Variants in DCDC1 observed in about 807,000 individuals in gnomAD.
DCDC1 encodes the protein doublecortin domain containing 1.
Under a neutral mutation model 178.3 loss-of-function variants are expected in DCDC1, and 200 were observed. That is an observed-to-expected ratio of 1.12 (90% CI 1.00 to 1.26). The LOEUF (loss-of-function observed/expected upper bound fraction) is 1.26, where lower values mean the gene tolerates loss of function less well. Among genes scored for constraint, DCDC1 ranks in the 50% most tolerant of loss-of-function variants. DCDC1 has a pLI of 0.00. For synonymous variants in DCDC1, 690 were observed against 604.8 expected (o/e 1.14, Z -2.07); for missense variants, 1,983 against 1,749.2 (o/e 1.13, Z -2.38).
intron 1 of DCDC1, among the ~76,000 whole-genome samples, chr11:31,350,955 T>A (rs188681867): frequency 6.6e-6 from 1 of 152,172 alleles, no homozygotes; most frequent in East Asian, 1.9e-4. Context: ...GTAGCTAACA[T>A]TAAATATTTG....
intron 9 of DCDC1, among the ~76,000 whole-genome samples, chr11:31,195,654 T>C (rs1970608809): frequency 6.6e-6 from 1 of 152,010 alleles, no homozygotes; most frequent in Non-Finnish European, 1.5e-5. Flanking sequence ...TCCAATCAAT[T>C]CCTTACCTTC....
chr11:30,915,738 G>A (rs1945784004), intron 26 of DCDC1, 27 bp from the exon 27 acceptor site: 3 of 1,589,662 alleles, frequency 1.9e-6, no homozygotes, highest in African/African-American at 1.3e-5. Context: ...TCTATTAGTG[G>A]CAGAAAAATG....
intron 21 of DCDC1, among the ~76,000 whole-genome samples, chr11:30,932,655 A>C (rs1947010531): frequency 6.6e-6 from 1 of 152,184 alleles, no homozygotes; most frequent in Non-Finnish European, 1.5e-5. Flanking sequence ...ACAATAGTGT[A>C]AGTATGACGA....
chr11:31,126,754 T>C (rs1961685366), intron 11 of DCDC1, among the ~76,000 whole-genome samples: 1 of 152,196 alleles, frequency 6.6e-6, no homozygotes, highest in African/African-American at 2.4e-5. Flanking sequence ...TATGAAATTA[T>C]AGGACAATAT....
rs138043204 is a variant in DCDC1 at position 31,256,434 on chromosome 11, G to C, written c.1054+9073C>G. On this transcript the variant is annotated intron_variant, in intron 8 of 38. Transcript: ENST00000684477. ...ACTCCTTCAGGTTAAATAATTTCTA[G>C]ATGTCTCACAAAACTCAGGAAAGTG... Among the ~76,000 whole-genome samples the C allele has an allele frequency of 5.7e-3, 871 of 152,272 alleles. 7 individuals are homozygous for C. Among genetic ancestry groups the C allele is most frequent in the African/African-American group, 0.02 (840 of 41,560 alleles).
At chr11:31,007,803 C>T (rs1388139892) in intron 20 of DCDC1, among the ~76,000 whole-genome samples, 2 of 151,884 alleles carry the variant, frequency 1.3e-5, no homozygotes, top group Non-Finnish European at 2.9e-5. Flanking sequence ...GCTGGGATTA[C>T]AGGCGTCTGC....
chr11:31,082,102 CA>C (rs1015799552), intron 17 of DCDC1, among the ~76,000 whole-genome samples: 4 of 151,682 alleles, frequency 2.6e-5, no homozygotes, highest in Non-Finnish European at 5.9e-5. Flanking sequence ...TTTTTAAAAA[CA>C]AAAAATAACA....
intron 20 of DCDC1, among the ~76,000 whole-genome samples, chr11:30,987,104 C>T (rs1162791737): frequency 6.6e-6 from 1 of 152,160 alleles, no homozygotes; most frequent in East Asian, 1.9e-4. Context: ...GCAACCTCCA[C>T]CTCCTGGGTT....
chr11:30,936,055 C>A (rs1410715348), intron 21 of DCDC1, among the ~76,000 whole-genome samples: 2 of 151,924 alleles, frequency 1.3e-5, no homozygotes, highest in African/African-American at 4.8e-5. Context: ...TTAGGTGGAG[C>A]TTGTCTTCTT....
intron 1 of DCDC1, among the ~76,000 whole-genome samples, chr11:31,361,714 C>T (rs1335812453): frequency 1.3e-5 from 2 of 152,162 alleles, no homozygotes; most frequent in Non-Finnish European, 2.9e-5. Context: ...CTCCTGACCT[C>T]GAGTGATCCA....
chr11:31,308,277 T>C (rs1948578680), intron 3 of DCDC1, among the ~76,000 whole-genome samples: 1 of 152,224 alleles, frequency 6.6e-6, no homozygotes. Context: ...ACAATGTAAG[T>C]ATAACTTTTA....
At chr11:31,368,648 ATAAC>A (rs1952098086) in intron 1 of DCDC1, among the ~76,000 whole-genome samples, 1 of 152,222 alleles carries the variant, frequency 6.6e-6, no homozygotes. Flanking sequence ...ACATCATTAA[ATAAC>A]TGATCATATT....
intron 22 of DCDC1, among the ~76,000 whole-genome samples, chr11:30,926,048 C>T (rs1283003292): frequency 3.3e-5 from 5 of 152,130 alleles, no homozygotes; most frequent in African/African-American, 1.2e-4. Flanking sequence ...TTGTAGTTCC[C>T]TGAGGAGCTC....
At chr11:31,040,245 T>C (rs1954349605) in intron 20 of DCDC1, among the ~76,000 whole-genome samples, 1 of 152,202 alleles carries the variant, frequency 6.6e-6, no homozygotes, top group African/African-American at 2.4e-5. Context: ...ATGAAAGTCA[T>C]TTAACTCCTC....
chr11:30,967,480 T>C (rs1281875270), intron 20 of DCDC1, among the ~76,000 whole-genome samples: 1 of 152,160 alleles, frequency 6.6e-6, no homozygotes, highest in Admixed American at 6.6e-5. Context: ...AAAATCAATG[T>C]ACAAAAATCA....
chr11:30,989,105 G>A (rs562458036), intron 20 of DCDC1, among the ~76,000 whole-genome samples: 85 of 152,252 alleles, frequency 5.6e-4, no homozygotes, highest in African/African-American at 1.6e-3. Context: ...CCTGGCATAC[G>A]TGACATTTAG....
At chr11:30,880,569 G>A (rs922607827) in intron 37 of DCDC1, among the ~76,000 whole-genome samples, 38 of 152,012 alleles carry the variant, frequency 2.5e-4, no homozygotes, top group African/African-American at 8.4e-4. Flanking sequence ...AGTGTTCTTC[G>A]GAATCTCCTG....
At position 30,915,571 on chromosome 11, in the gene DCDC1, A is replaced by T; in HGVS notation, c.3593T>A (p.Val1198Asp). 1 of 1,613,854 alleles carries T rather than the reference A, an allele frequency of 6.2e-7. No individual in the cohort carries two copies. The highest frequency in any genetic ancestry group is 8.5e-7 in the Non-Finnish European group (1 of 1,179,854). Reference protein sequence around the residue: ...GPNLRSGMEVVLVEKKSDGSH... With the variant: ...GPNLRSGMEVDLVEKKSDGSH... ...ACCATCAGATTTCTTCTCCACCAAA[A>T]CCACCTCCATGCCTGATCGGAGATT... is the stretch of plus-strand genomic sequence containing the variant. Residue 1198 changes from valine to aspartate, a missense_variant, in exon 27 of 39, where the codon GTT (valine) becomes GAT (aspartate). Val to Asp is a radical substitution (Grantham distance 152). Transcript: ENST00000684477.
chr11:31,157,246 C>T (rs1431124745), intron 9 of DCDC1, among the ~76,000 whole-genome samples: 1 of 150,070 alleles, frequency 6.7e-6, no homozygotes, highest in Non-Finnish European at 1.5e-5. Flanking sequence ...AAAAAATGAG[C>T]TGGGCATGGT....
Sources: gnomAD v4.1 joint callset for allele counts (sites outside exome capture counted in the v4.1 genomes callset) on GRCh38, gnomAD v4.1.1 for gene constraint, MANE v1.5 for transcripts, NCBI Gene and HGNC (gene_info 2026-07-23, HGNC 2026-07-21) for gene names.